The following HDAC4 variants were observed in gnomAD, a reference collection of about 807,000 sequenced individuals.
The protein encoded by HDAC4 is histone deacetylase 4, also known as histone deacetylase A.
HDAC4 carries 16 observed loss-of-function variants against 135.1 expected under a neutral mutation model. The ratio of observed to expected loss-of-function variants is 0.12; its 90% CI spans 0.08 to 0.18. The LOEUF is 0.18. HDAC4 is among the 10% of genes least tolerant of loss of function. The probability of loss-of-function intolerance (pLI) is 1.00; values close to 1 mark genes in which losing one functional copy is unlikely to be tolerated. For synonymous variants in HDAC4, 685 were observed against 653.4 expected (o/e 1.05, Z -0.74); for missense variants, 1,143 against 1,511.8 (o/e 0.76, Z 4.05).
intron 2 of HDAC4, among the ~76,000 whole-genome samples, chr2:239,340,074 T>C (rs748575778): frequency 2.0e-5 from 3 of 152,242 alleles, no homozygotes; most frequent in Middle Eastern, 3.4e-3. Context: ...CCTCCTAGTT[T>C]CTAACACATT....
chr2:239,187,587 C>T (rs1296933602), intron 4 of HDAC4, among the ~76,000 whole-genome samples: 1 of 152,172 alleles, frequency 6.6e-6, no homozygotes, highest in East Asian at 1.9e-4. Flanking sequence ...AAAACAGAGG[C>T]CAGCTGCAGT....
At chr2:239,058,668 A>T (rs1172288016) in intron 24 of HDAC4, among the ~76,000 whole-genome samples, 1 of 152,250 alleles carries the variant, frequency 6.6e-6, no homozygotes, top group Non-Finnish European at 1.5e-5. Context: ...TTCATCACGA[A>T]AGGGCATAAT....
intron 2 of HDAC4, among the ~76,000 whole-genome samples, chr2:239,297,276 G>A (rs2051963505): frequency 6.6e-6 from 1 of 152,194 alleles, no homozygotes; most frequent in South Asian, 2.1e-4. Flanking sequence ...CAGGCCCACA[G>A]CTCTGTCAGA....
At chr2:239,105,069 G>A (rs895655606) in intron 15 of HDAC4, among the ~76,000 whole-genome samples, 21 of 152,378 alleles carry the variant, frequency 1.4e-4, no homozygotes, top group Middle Eastern at 3.4e-3. Context: ...GCACCTGAGA[G>A]GCTTTTCCAG....
At chr2:239,064,538 C>A (rs1316407018) in intron 24 of HDAC4, among the ~76,000 whole-genome samples, 1 of 152,126 alleles carries the variant, frequency 6.6e-6, no homozygotes, top group Admixed American at 6.5e-5. Context: ...CGGCCTGGGG[C>A]CCTAGAAAGG....
At chr2:239,165,449 T>A (rs2043065370) in intron 5 of HDAC4, among the ~76,000 whole-genome samples, 2 of 152,170 alleles carry the variant, frequency 1.3e-5, no homozygotes, top group South Asian at 2.1e-4. Context: ...GTTCTTAGAA[T>A]CTTCCGGCGA....
rs2152811708 is a variant in HDAC4 at position 239,115,788 on chromosome 2, G to A, written c.1534-478C>T. ...TGCCCAATCCCACCAACACGCCACG[G>A]CCTCCCCTCCTGCAGGATCCCACCG... On this transcript the variant is annotated intron_variant, in intron 12 of 26. Coordinates refer to ENST00000543185, the MANE Select transcript of HDAC4 (RefSeq NM_001378414.1). The surrounding 1 kb of genome is among the most constrained non-coding windows in gnomAD (Gnocchi z 6.3). Among the ~76,000 whole-genome samples the A allele has an allele frequency of 6.6e-6, 1 of 152,164 alleles. No homozygotes were observed. The highest frequency in any genetic ancestry group is 2.1e-4 in the South Asian group (1 of 4,808).
At chr2:239,194,019 A>G (rs867173422) in intron 3 of HDAC4, among the ~76,000 whole-genome samples, 1 of 152,234 alleles carries the variant, frequency 6.6e-6, no homozygotes. Context: ...GGGGTGGTCA[A>G]TGCTGATGTG....
At position 239,311,514 on chromosome 2, in the gene HDAC4, A is replaced by G. The variant is rs542098316; in HGVS notation, c.22+41164T>C. 2.6e-5 allele frequency among the ~76,000 whole-genome samples: 4 copies of G among 152,228 alleles called. No homozygotes were observed. In the East Asian group the frequency reaches 7.7e-4, roughly 29 times the overall value. ...CAAGTGTTACACCATCCAGTTGAAG[A>G]TGACAGATTTACGATATAAAACGGC... is the stretch of plus-strand genomic sequence containing the variant. On this transcript the variant is annotated intron_variant, in intron 2 of 26. Transcript: ENST00000543185.
chr2:239,140,392 G>A (rs1236235733), intron 8 of HDAC4, among the ~76,000 whole-genome samples: 2 of 152,088 alleles, frequency 1.3e-5, no homozygotes, highest in Admixed American at 6.5e-5. Flanking sequence ...ACCAGGTTCC[G>A]CTCTGACTGA....
chr2:239,260,251 T>A (rs1477158031), intron 2 of HDAC4, among the ~76,000 whole-genome samples: 1 of 152,192 alleles, frequency 6.6e-6, no homozygotes, highest in Non-Finnish European at 1.5e-5. Context: ...TGCAAAAGCA[T>A]CGCATGGTGG....
intron 2 of HDAC4, among the ~76,000 whole-genome samples, chr2:239,351,225 ATTGT>A: frequency 6.6e-6 from 1 of 152,358 alleles, no homozygotes; most frequent in East Asian, 1.9e-4. Context: ...ATGTATAATA[ATTGT>A]TTGATGCCAA....
At chr2:239,298,527 A>G (rs76790881) in intron 2 of HDAC4, 11,255 of 1,030,382 alleles carry the variant, frequency 0.011, 118 homozygotes, top group East Asian at 0.08. Flanking sequence ...GGGCCTCCTC[A>G]TTTAGTCATC....
chr2:239,219,939 C>T (rs906850502), intron 3 of HDAC4, among the ~76,000 whole-genome samples: 4 of 152,232 alleles, frequency 2.6e-5, no homozygotes, highest in East Asian at 1.9e-4. Context: ...TGTACACTCA[C>T]GGCAGAGCAA....
chr2:239,372,484 G>GCA (rs1331250754), intron 1 of HDAC4, among the ~76,000 whole-genome samples: 1 of 152,192 alleles, frequency 6.6e-6, no homozygotes, highest in Admixed American at 6.5e-5. Flanking sequence ...GGGCTCCCGC[G>GCA]CACACACGCG....
At chr2:239,260,013 C>A (rs1305309399) in intron 2 of HDAC4, among the ~76,000 whole-genome samples, 1 of 152,220 alleles carries the variant, frequency 6.6e-6, no homozygotes, top group Non-Finnish European at 1.5e-5. Context: ...ACTCAAGGAG[C>A]CAGATGACAC....
chr2:239,390,928 G>A (rs2126102961), intron 1 of HDAC4, among the ~76,000 whole-genome samples: 1 of 152,364 alleles, frequency 6.6e-6, no homozygotes, highest in South Asian at 2.1e-4. Context: ...CCAAGGGGAG[G>A]GAAAGCGGGG....
chr2:239,348,293 C>T (rs1194949265), intron 2 of HDAC4, among the ~76,000 whole-genome samples: 2 of 152,218 alleles, frequency 1.3e-5, no homozygotes, highest in African/African-American at 4.8e-5. Flanking sequence ...AGCAAATCCA[C>T]GTCCCAGCAA....
chr2:239,364,012 C>A (rs139657680), intron 1 of HDAC4, among the ~76,000 whole-genome samples: 1 of 152,200 alleles, frequency 6.6e-6, no homozygotes, highest in Non-Finnish European at 1.5e-5. Flanking sequence ...AAAGCCACAA[C>A]GGAACACTCC....
Sources: allele counts gnomAD v4.1 joint callset (sites outside exome capture counted in the v4.1 genomes callset), GRCh38; gene constraint gnomAD v4.1.1; non-coding constraint Gnocchi (gnomAD v3.1); transcripts MANE v1.5; gene names NCBI Gene and HGNC (gene_info 2026-07-23, HGNC 2026-07-21).